Variants in DIAPH2 observed in about 807,000 individuals in gnomAD.
DIAPH2 encodes diaphanous related formin 2.
Under a neutral mutation model 92.7 loss-of-function variants are expected in DIAPH2, and 35 were observed. The ratio of observed to expected loss-of-function variants is 0.38; its 90% CI spans 0.29 to 0.50. The LOEUF (loss-of-function observed/expected upper bound fraction) is 0.50. Ranked by LOEUF, DIAPH2 falls within the 20% of genes least tolerant of loss-of-function variation. DIAPH2 has a pLI of 0.94. For missense variants in DIAPH2, 701 were observed against 819.5 expected (o/e 0.86, Z 1.77); for synonymous variants, 301 against 280.4 (o/e 1.07, Z -0.73).
chrX:97,438,730 T>A (rs745606090), intron 26 of DIAPH2, among the ~76,000 whole-genome samples: 3 of 110,498 alleles, frequency 2.7e-5, no homozygotes, highest in Non-Finnish European at 5.7e-5. Flanking sequence ...ATACCTTGAA[T>A]GCTGAGATTT....
chrX:96,825,910 T>A (rs1437900950), intron 4 of DIAPH2, among the ~76,000 whole-genome samples: 1 of 111,722 alleles, frequency 9.0e-6, no homozygotes, highest in African/African-American at 3.3e-5. Flanking sequence ...GAACTCATCC[T>A]CCAGAATGCC....
At chrX:96,881,847 G>A in intron 5 of DIAPH2, 129 bp downstream of exon 5, 1 of 659,613 alleles carries the variant, frequency 1.5e-6, no homozygotes, top group Non-Finnish European at 2.2e-6. Flanking sequence ...TAATAAAACA[G>A]CAGCATCTGA....
chrX:97,551,416 C>T (rs959801508), intron 26 of DIAPH2, among the ~76,000 whole-genome samples: 2 of 109,434 alleles, frequency 1.8e-5, no homozygotes, highest in African/African-American at 6.7e-5. Context: ...ATGGTGAAAA[C>T]CCATCTCTAC....
At chrX:97,088,741 G>A (rs1227457715) in intron 19 of DIAPH2, among the ~76,000 whole-genome samples, 1 of 112,052 alleles carries the variant, frequency 8.9e-6, no homozygotes, top group Admixed American at 9.5e-5. Context: ...AGGTCTTCAT[G>A]AAAGTAAACA....
intron 20 of DIAPH2, among the ~76,000 whole-genome samples, chrX:97,112,742 T>C (rs1179498049): frequency 9.8e-6 from 1 of 102,116 alleles, no homozygotes; most frequent in Non-Finnish European, 2.0e-5. Context: ...ACTCCCTCCT[T>C]CCTTCCTTCT....
At chrX:97,359,199 C>A (rs1273090069) in intron 24 of DIAPH2, among the ~76,000 whole-genome samples, 1 of 111,508 alleles carries the variant, frequency 9.0e-6, no homozygotes, top group Non-Finnish European at 1.9e-5. Context: ...TGTCAAGGGG[C>A]CTTAAATCAG....
Position 97,334,988 on chromosome X carries a change from A to AAAAAC in DIAPH2, c.2845-13118_2845-13114dup, listed in dbSNP as rs1569365462. On this transcript the variant is annotated intron_variant, in intron 23 of 26. Coordinates refer to ENST00000324765, the MANE Select transcript of DIAPH2 (RefSeq NM_006729.5). ...AGTGCAAGACTTCGTCTCAAAAAACAAAAACAAAACAAAAAAAAAAAAAAA... is the reference window on the plus strand; with the variant it reads ...AGTGCAAGACTTCGTCTCAAAAAACAAAAACAAAACAAAACAAAAAAAAAAAAAAA... Among the ~76,000 whole-genome samples, 7 of 82,995 alleles carry AAAAAC rather than the reference A, an allele frequency of 8.4e-5. 2 individuals are homozygous for AAAAAC. The East Asian group carries it at 1.3e-3, about 15-fold the overall frequency. 72.1% of individuals were successfully genotyped at this position (82,995 alleles called of 115,157 possible). A position where few individuals can be genotyped will look rare whatever the true frequency, so the allele number is the denominator to read the frequency against.
intron 22 of DIAPH2, among the ~76,000 whole-genome samples, chrX:97,220,233 T>G (rs1395310316): frequency 4.5e-5 from 5 of 110,526 alleles, no homozygotes; most frequent in African/African-American, 9.9e-5. Context: ...ATTCTGCAGG[T>G]TTTTTTGTTT....
intron 17 of DIAPH2, among the ~76,000 whole-genome samples, chrX:96,965,412 G>A (rs1028772607): frequency 9.0e-6 from 1 of 111,542 alleles, no homozygotes; most frequent in Non-Finnish European, 1.9e-5. Context: ...ATACATAAAT[G>A]TTATTATTCT....
At chrX:96,941,470 G>T (rs1031266854) in intron 12 of DIAPH2, among the ~76,000 whole-genome samples, 1 of 111,354 alleles carries the variant, frequency 9.0e-6, no homozygotes, top group African/African-American at 3.3e-5. Flanking sequence ...TTATAAAATG[G>T]GTCTTTTAAA....
At chrX:97,594,189 A>ATG (rs72102561) in intron 26 of DIAPH2, among the ~76,000 whole-genome samples, 1 of 109,380 alleles carries the variant, frequency 9.1e-6, no homozygotes, top group African/African-American at 3.3e-5. Flanking sequence ...CTCAGTATAT[A>ATG]TATATATATA....
intron 26 of DIAPH2, among the ~76,000 whole-genome samples, chrX:97,487,182 T>G (rs1393409041): frequency 8.9e-6 from 1 of 112,475 alleles, no homozygotes; most frequent in Non-Finnish European, 1.9e-5. Flanking sequence ...TGATGGACAT[T>G]TGGATTATTT....
intron 22 of DIAPH2, among the ~76,000 whole-genome samples, chrX:97,172,058 A>G (rs1190766074): frequency 1.8e-5 from 2 of 112,132 alleles, no homozygotes; most frequent in Non-Finnish European, 3.8e-5. Flanking sequence ...AATCAAATAA[A>G]CACAATCTCA....
At chrX:97,104,371 ATTT>A (rs376970129) in intron 20 of DIAPH2, among the ~76,000 whole-genome samples, 1 of 103,494 alleles carries the variant, frequency 9.7e-6, no homozygotes, top group African/African-American at 3.5e-5. Flanking sequence ...GTATTTCCTG[ATTT>A]TTTTTTTTTA....
intron 25 of DIAPH2, 45 bp from the exon 26 acceptor site, chrX:97,429,605 A>G: frequency 8.4e-7 from 1 of 1,187,764 alleles, no homozygotes; most frequent in Non-Finnish European, 1.1e-6. Context: ...CTGTAGTTTA[A>G]CTTTAATTGC....
chrX:96,705,981 G>A (rs2063883571), intron 1 of DIAPH2, among the ~76,000 whole-genome samples: 1 of 112,392 alleles, frequency 8.9e-6, no homozygotes, highest in Non-Finnish European at 1.9e-5. Context: ...AGTCATACCT[G>A]GCCCATAGAT....
chrX:96,957,931 G>C lies in DIAPH2; in HGVS notation c.1718G>C (p.Gly573Ala), dbSNP rs779682701. Reference sequence around the variant, plus strand: ...CCACCACCCGCGCCACCTCTACCCGGAGGAGCTCCTCTTCCTCCTCCACCA... The same window carrying C: ...CCACCACCCGCGCCACCTCTACCCGCAGGAGCTCCTCTTCCTCCTCCACCA... ...PPPPPAPPLPGGAPLPPPPPP... is the reference protein window; with the variant it reads ...PPPPPAPPLPAGAPLPPPPPP... The change falls in exon 16 of 27, where the codon GGA becomes GCA. Residue 573 changes from glycine to alanine, a missense_variant. Around this residue, in one of 3 missense-constraint regions of DIAPH2, gnomAD observed 536 missense variants for 599.3 expected, o/e 0.89. Coordinates refer to ENST00000324765, the MANE Select transcript of DIAPH2 (RefSeq NM_006729.5). The C allele has an allele frequency of 1.7e-6, 2 of 1,209,804 alleles. No homozygotes were observed.
intron 24 of DIAPH2, among the ~76,000 whole-genome samples, chrX:97,354,669 C>T (rs922387100): frequency 2.7e-5 from 3 of 112,596 alleles, no homozygotes; most frequent in Non-Finnish European, 5.6e-5. Context: ...CCACTGCACC[C>T]GACCAAATCT....
chrX:97,294,240 T>C (rs187703096), intron 23 of DIAPH2, among the ~76,000 whole-genome samples: 22 of 112,028 alleles, frequency 2.0e-4, no homozygotes, highest in African/African-American at 6.8e-4. Flanking sequence ...CTGGTTTGCC[T>C]CCTTGGTTTT....
Sources: gnomAD v4.1 joint callset for allele counts (sites outside exome capture counted in the v4.1 genomes callset) on GRCh38, gnomAD v4.1.1 for gene constraint, gnomAD v4.1.1 regional missense constraint, MANE v1.5 for transcripts, NCBI Gene and HGNC (gene_info 2026-07-23, HGNC 2026-07-21) for gene names.